The following LINGO2 variants were observed in gnomAD, a reference collection of about 807,000 sequenced individuals.
LINGO2 encodes leucine-rich repeat and immunoglobulin-like domain-containing nogo receptor-interacting protein 2.
A neutral mutation model predicts 30.6 loss-of-function variants in LINGO2; 14 were observed. The ratio of observed to expected loss-of-function variants is 0.46; its 90% CI spans 0.30 to 0.72. The LOEUF (loss-of-function observed/expected upper bound fraction) is 0.72, where lower values mean the gene tolerates loss of function less well. LINGO2 is among the 30% of genes least tolerant of loss of function. LINGO2 has a pLI of 0.07. For synonymous variants in LINGO2, 317 were observed against 288.5 expected (o/e 1.10, Z -1.00); for missense variants, 729 against 751.7 (o/e 0.97, Z 0.35).
At chr9:28,641,190 C>T (rs1046700184) in intron 1 of LINGO2, among the ~76,000 whole-genome samples, 7 of 151,990 alleles carry the variant, frequency 4.6e-5, no homozygotes, top group African/African-American at 1.2e-4. Flanking sequence ...CCTGCCACCA[C>T]GCTCGGCTAA....
At chr9:28,757,924 A>C in the LINGO2 span, among the ~76,000 whole-genome samples, 1 of 152,038 alleles carries the variant, frequency 6.6e-6, no homozygotes, top group Non-Finnish European at 1.5e-5. Context: ...CCTGGGCTAT[A>C]ACCATCAATG....
chr9:28,899,053 T>C, the LINGO2 span, among the ~76,000 whole-genome samples: 1 of 70,140 alleles, frequency 1.4e-5, no homozygotes, highest in South Asian at 3.4e-4. Context: ...TGGACAACTA[T>C]TGTTTCACAA....
At chr9:28,103,136 G>C (rs908168464) in intron 4 of LINGO2, among the ~76,000 whole-genome samples, 3 of 152,106 alleles carry the variant, frequency 2.0e-5, no homozygotes, top group Admixed American at 2.0e-4. Flanking sequence ...ACAAATTTCT[G>C]TTAACTTAAG....
intron 1 of LINGO2, among the ~76,000 whole-genome samples, chr9:28,567,794 A>AAAAT (rs35618477): frequency 0.079 from 11,837 of 149,940 alleles, 861 homozygotes; most frequent in African/African-American, 0.19. Context: ...TCCTGAATCT[A>AAAAT]AAATAAATAA....
the LINGO2 span, among the ~76,000 whole-genome samples, chr9:29,173,718 C>T: frequency 6.6e-6 from 1 of 152,022 alleles, no homozygotes; most frequent in African/African-American, 2.4e-5. Context: ...AGAATGAGGT[C>T]TAGTTTAAAA....
intron 4 of LINGO2, among the ~76,000 whole-genome samples, chr9:28,103,528 A>G (rs531180540): frequency 3.9e-5 from 6 of 152,120 alleles, no homozygotes; most frequent in Non-Finnish European, 8.8e-5. Context: ...CACATGGCCT[A>G]CTTGCCCTCA....
intron 5 of LINGO2, among the ~76,000 whole-genome samples, chr9:28,006,990 C>G (rs1373650288): frequency 2.0e-5 from 3 of 152,104 alleles, no homozygotes; most frequent in Admixed American, 6.5e-5. Flanking sequence ...AGACTAAGTA[C>G]TAGGGATGCT....
At chr9:28,636,139 A>G (rs781233102) in intron 1 of LINGO2, among the ~76,000 whole-genome samples, 3 of 152,048 alleles carry the variant, frequency 2.0e-5, no homozygotes. Flanking sequence ...CCATGTCCCT[A>G]CAAAGGACAT....
chr9:28,800,839 G>C, the LINGO2 span, among the ~76,000 whole-genome samples: 1 of 151,984 alleles, frequency 6.6e-6, no homozygotes, highest in Non-Finnish European at 1.5e-5. Context: ...AATAACAATG[G>C]GGTTATATTA....
the LINGO2 span, among the ~76,000 whole-genome samples, chr9:28,796,019 A>ACACACACAC: frequency 9.2e-6 from 1 of 109,140 alleles, no homozygotes; most frequent in Non-Finnish European, 2.0e-5. Context: ...CACACACACA[A>ACACACACAC]TTCAGGAAAA....
At chr9:28,613,771 C>T (rs746188811) in intron 1 of LINGO2, among the ~76,000 whole-genome samples, 30 of 152,078 alleles carry the variant, frequency 2.0e-4, no homozygotes, top group Admixed American at 1.4e-3. Flanking sequence ...ATGTAAAAGA[C>T]TATTTCAAAG....
intron 1 of LINGO2, among the ~76,000 whole-genome samples, chr9:28,644,997 A>G (rs1425703002): frequency 2.0e-5 from 3 of 152,220 alleles, no homozygotes; most frequent in Middle Eastern, 3.4e-3. Context: ...GGACAGGCCA[A>G]TTTGAAGATG....
chr9:28,863,728 C>G, the LINGO2 span: 1 of 491,654 alleles, frequency 2.0e-6, no homozygotes, highest in Non-Finnish European at 4.3e-6. Flanking sequence ...AAGCCTGGTA[C>G]CTATGAACCA....
At chr9:28,725,398 A>T in the LINGO2 span, among the ~76,000 whole-genome samples, 9 of 152,112 alleles carry the variant, frequency 5.9e-5, no homozygotes, top group Non-Finnish European at 1.3e-4. Context: ...AAATGATTAA[A>T]CACAGATAGG....
the LINGO2 span, among the ~76,000 whole-genome samples, chr9:28,718,557 C>T: frequency 6.6e-6 from 1 of 152,020 alleles, no homozygotes; most frequent in Non-Finnish European, 1.5e-5. Context: ...AGCTTTATCT[C>T]TCTGAAATCC....
chr9:28,650,924 C>A (rs1032918236), intron 1 of LINGO2, among the ~76,000 whole-genome samples: 1 of 152,128 alleles, frequency 6.6e-6, no homozygotes, highest in Admixed American at 6.5e-5. Flanking sequence ...GATGCGATGG[C>A]TTACGCCTGT....
chr9:29,022,007 G>A, the LINGO2 span, among the ~76,000 whole-genome samples: 1 of 151,984 alleles, frequency 6.6e-6, no homozygotes, highest in African/African-American at 2.4e-5. Flanking sequence ...GAGCAGTTAA[G>A]GAAAAATATT....
chr9:28,959,835 G>A, the LINGO2 span, among the ~76,000 whole-genome samples: 1 of 152,142 alleles, frequency 6.6e-6, no homozygotes, highest in African/African-American at 2.4e-5. Context: ...TTGGATGTTA[G>A]AGCTCAGACT....
At chr9:28,956,568 C>T in the LINGO2 span, among the ~76,000 whole-genome samples, 2 of 92,352 alleles carry the variant, frequency 2.2e-5, no homozygotes, top group African/African-American at 6.5e-5. Context: ...TCCTTCCTTC[C>T]TTCCTCCATC....
Sources: gnomAD v4.1 joint callset for allele counts (sites outside exome capture counted in the v4.1 genomes callset) on GRCh38, gnomAD v4.1.1 for gene constraint, MANE v1.5 for transcripts, NCBI Gene and HGNC (gene_info 2026-07-23, HGNC 2026-07-21) for gene names.